The following FAM151B variants were observed in gnomAD, a reference collection of about 807,000 sequenced individuals.
The protein encoded by FAM151B is protein FAM151B.
FAM151B carries 24 observed loss-of-function variants against 31.2 expected under a neutral mutation model. The observed-to-expected ratio is 0.77, with a 90% CI of 0.56 to 1.08. The LOEUF (loss-of-function observed/expected upper bound fraction) is 1.08, where lower values mean the gene tolerates loss of function less well. Ranked by LOEUF, FAM151B falls within the 50% of genes least tolerant of loss-of-function variation. The pLI, the probability that FAM151B is intolerant of heterozygous loss-of-function variation, is 0.00. For synonymous variants in FAM151B, 105 were observed against 111.4 expected (o/e 0.94, Z 0.36); for missense variants, 293 against 328.6 (o/e 0.89, Z 0.84).
chr5:80,499,149 A>G (rs910907961), intron 1 of FAM151B, among the ~76,000 whole-genome samples: 1 of 152,234 alleles, frequency 6.6e-6, no homozygotes, highest in Non-Finnish European at 1.5e-5. Context: ...TGTTTGAAGC[A>G]TGAACAAGGA....
chr5:80,538,617 G>C (rs540379568), intron 5 of FAM151B, among the ~76,000 whole-genome samples: 1 of 134,560 alleles, frequency 7.4e-6, no homozygotes, highest in South Asian at 2.4e-4. Flanking sequence ...CTTTCTTTCA[G>C]ATGGAGTCTT....
At chr5:80,505,946 C>A in intron 2 of FAM151B, 2 of 246,438 alleles carry the variant, frequency 8.1e-6, no homozygotes, top group Non-Finnish European at 1.4e-5. Flanking sequence ...TTTGTAGAGA[C>A]GAGATTTCAC....
intron 5 of FAM151B, among the ~76,000 whole-genome samples, chr5:80,527,702 C>G (rs1410552350): frequency 6.6e-6 from 1 of 152,082 alleles, no homozygotes; most frequent in East Asian, 1.9e-4. Flanking sequence ...AGGGCACTTA[C>G]CATTTCCGGA....
rs547930012 is a variant in FAM151B, at chr5:80,499,292, A to T, written c.26-2500A>T. The stretch of plus-strand genomic sequence containing the variant: ...TAGTCTTGGTTAACTCACAAGTTTT[A>T]ATGCTTAATCAAGAGAAAATATGTT... On this transcript the variant is annotated intron_variant, in intron 1 of 5. Transcript: ENST00000282226. Among the ~76,000 whole-genome samples the T allele has an allele frequency of 2.2e-4, 34 of 152,332 alleles. No individual in the cohort carries two copies. The South Asian group carries it at 3.7e-3, about 17-fold the overall frequency.
intron 1 of FAM151B, among the ~76,000 whole-genome samples, 192 bp from the exon 2 acceptor site, chr5:80,501,600 A>G (rs1232646547): frequency 1.3e-5 from 2 of 152,228 alleles, no homozygotes; most frequent in African/African-American, 4.8e-5. Flanking sequence ...ACACAGAGAA[A>G]ACAGATATGT....
At chr5:80,531,458 A>T (rs1408917997) in intron 5 of FAM151B, among the ~76,000 whole-genome samples, 1 of 152,210 alleles carries the variant, frequency 6.6e-6, no homozygotes, top group African/African-American at 2.4e-5. Context: ...CAACCTACAG[A>T]ATGGGAGAAA....
intron 2 of FAM151B, among the ~76,000 whole-genome samples, chr5:80,506,360 G>A (rs985895094): frequency 6.6e-6 from 1 of 152,190 alleles, no homozygotes; most frequent in African/African-American, 2.4e-5. Context: ...GCCTTACGAT[G>A]AAGACGACAC....
At chr5:80,532,984 A>T (rs1745318093) in intron 5 of FAM151B, among the ~76,000 whole-genome samples, 1 of 152,230 alleles carries the variant, frequency 6.6e-6, no homozygotes, top group South Asian at 2.1e-4. Flanking sequence ...AAAACCTAGC[A>T]GATGCAGCAA....
rs1376377652 is a variant in FAM151B at position 80,520,632 on chromosome 5, G to A, written c.535+722G>A. ...TGTACTCCAGCCTGGGCAACAGAGT[G>A]AGACTCTGTCTCAAAAAAAAAAAAA... On this transcript the variant is annotated intron_variant, in intron 4 of 5. Coordinates refer to ENST00000282226, the MANE Select transcript of FAM151B (RefSeq NM_205548.3). Among the ~76,000 whole-genome samples the A allele has an allele frequency of 6.3e-5, 9 of 142,146 alleles. 1 individual carries two copies. Among genetic ancestry groups the A allele is most frequent in the Non-Finnish European group, 3.0e-5 (2 of 65,696 alleles). 93.3% of individuals were successfully genotyped at this position (142,146 alleles called of 152,430 possible). A position where few individuals can be genotyped will look rare whatever the true frequency, so the allele number is the denominator to read the frequency against.
At chr5:80,537,167 A>G (rs1048985757) in intron 5 of FAM151B, among the ~76,000 whole-genome samples, 1 of 152,194 alleles carries the variant, frequency 6.6e-6, no homozygotes, top group African/African-American at 2.4e-5. Flanking sequence ...AATACCTACT[A>G]TGTACCCACT....
intron 2 of FAM151B, among the ~76,000 whole-genome samples, chr5:80,513,331 A>G (rs1179447317): frequency 6.6e-6 from 1 of 152,192 alleles, no homozygotes; most frequent in Non-Finnish European, 1.5e-5. Flanking sequence ...CTTTGCTGGT[A>G]TTAGAAAGAA....
intron 1 of FAM151B, among the ~76,000 whole-genome samples, chr5:80,493,576 C>A (rs888651193): frequency 6.6e-6 from 1 of 152,094 alleles, no homozygotes; most frequent in Non-Finnish European, 1.5e-5. Context: ...CAAGGAATAA[C>A]CCTGGGGAAG....
chr5:80,519,754 C>G lies in FAM151B; in HGVS notation c.379C>G (p.Pro127Ala). Residue 127 changes from proline (P) to alanine (A), a missense_variant, in exon 4 of 6, where the codon CCT becomes GCT. Physicochemically the swap from Pro to Ala is conservative, Grantham distance 27. Coordinates refer to ENST00000282226, the MANE Select transcript of FAM151B (RefSeq NM_205548.3). ...LENVKRHLKRPVWINADILPG... is the reference protein window; with the variant it reads ...LENVKRHLKRAVWINADILPG... ...AAATGTGAAGAGGCATCTGAAGCGT[C>G]CTGTATGGATTAATGCCGATATTCT... The G allele has an allele frequency of 6.2e-7, 1 of 1,614,084 alleles. No homozygotes were observed. Among genetic ancestry groups the G allele is most frequent in the Non-Finnish European group, 8.5e-7 (1 of 1,180,002 alleles).
chr5:80,495,780 A>C (rs768601028), intron 1 of FAM151B, among the ~76,000 whole-genome samples: 29 of 146,850 alleles, frequency 2.0e-4, no homozygotes, highest in Non-Finnish European at 4.3e-4. Context: ...CGGTAAGCCG[A>C]GATGCGCCAC....
intron 3 of FAM151B, among the ~76,000 whole-genome samples, chr5:80,515,240 C>CA (rs1744379028): frequency 1.4e-5 from 2 of 146,976 alleles, no homozygotes; most frequent in East Asian, 2.0e-4. Context: ...AACTCTGTCT[C>CA]AAAAAAATAA....
intron 3 of FAM151B, among the ~76,000 whole-genome samples, chr5:80,516,151 C>T (rs1384826298): frequency 6.6e-6 from 1 of 152,044 alleles, no homozygotes; most frequent in African/African-American, 2.4e-5. Flanking sequence ...ATGGAGAAAC[C>T]CCGTTTCTAC....
At chr5:80,518,071 CAAAGAAA>C (rs1744541911) in intron 3 of FAM151B, among the ~76,000 whole-genome samples, 1 of 84,762 alleles carries the variant, frequency 1.2e-5, no homozygotes, top group Admixed American at 1.4e-4. Flanking sequence ...AACTCCATCT[CAAAGAAA>C]AAAAAAAAAA....
chr5:80,517,864 G>A (rs1378028341), intron 3 of FAM151B, among the ~76,000 whole-genome samples: 1 of 152,022 alleles, frequency 6.6e-6, no homozygotes, highest in African/African-American at 2.4e-5. Flanking sequence ...TTGAGGTCAG[G>A]AGTTCAAGAC....
At chr5:80,498,555 CA>C in intron 1 of FAM151B, 1 of 1,073,774 alleles carries the variant, frequency 9.3e-7, no homozygotes. Context: ...TTTGTTGAAG[CA>C]GTAAGTCAGA....
Sources: gnomAD v4.1 joint callset for allele counts (sites outside exome capture counted in the v4.1 genomes callset) on GRCh38, gnomAD v4.1.1 for gene constraint, MANE v1.5 for transcripts, NCBI Gene and HGNC (gene_info 2026-07-23, HGNC 2026-07-21) for gene names.